EN2: variants seen among roughly 807,000 people sequenced by gnomAD.
The protein encoded by EN2 is homeobox protein engrailed-2.
Under a neutral mutation model 25.0 loss-of-function variants are expected in EN2, and 7 were observed. The ratio of observed to expected loss-of-function variants is 0.28; its 90% CI spans 0.16 to 0.53. The LOEUF is 0.53. Ranked by LOEUF, EN2 falls within the 20% of genes least tolerant of loss-of-function variation. The pLI, the probability that EN2 is intolerant of heterozygous loss-of-function variation, is 0.96. For synonymous variants in EN2, 277 were observed against 243.3 expected (o/e 1.14, Z -1.29); for missense variants, 524 against 501.8 (o/e 1.04, Z -0.42).
rs1163236401 is a variant in EN2, at chr7:155,463,479, C to T, written c.*792C>T. ...CCTTTCTTCTTCTTTTTCTTCTCCTCCTCCTCCTTCCTTCCTCCTCCTCCT... is the reference window on the plus strand; with the variant it reads ...CCTTTCTTCTTCTTTTTCTTCTCCTTCTCCTCCTTCCTTCCTCCTCCTCCT... On this transcript the variant is annotated 3_prime_UTR_variant, in exon 2 of 2. Transcript: ENST00000297375. 1 of 153,094 alleles carries T rather than the reference C, an allele frequency of 6.5e-6. No homozygotes were observed. The allele number at this position is 153,094 out of a possible 1,614,324, so 9.5% of individuals were successfully genotyped here.
intron 1 of EN2, among the ~76,000 whole-genome samples, chr7:155,461,641 G>A (rs1795698105): frequency 1.3e-5 from 2 of 152,198 alleles, no homozygotes; most frequent in South Asian, 4.1e-4. Flanking sequence ...GTAGAGCCAG[G>A]TCCCCTCTCC....
chr7:155,463,621 GC>G lies in EN2; in HGVS notation c.*937del, dbSNP rs113000817. 0.22 allele frequency: 34,222 copies of G among 152,338 alleles called. 4,617 individuals carry two copies. The highest frequency in any genetic ancestry group is 0.37 in the African/African-American group (15,320 of 41,408). The allele number at this position is 152,338 out of a possible 1,614,324, so 9.4% of individuals were successfully genotyped here. A position where few individuals can be genotyped will look rare whatever the true frequency, so the allele number is the denominator to read the frequency against. On this transcript the variant is annotated 3_prime_UTR_variant, in exon 2 of 2. Transcript: ENST00000297375. ...GTCCTGCCGCAGGCCTAACCCTCCT[GC>G]CCTGGGCACTGCCTCCATGCAGAAG...
At position 155,462,942 on chromosome 7, in the gene EN2, G is replaced by A. The variant is rs73734533; in HGVS notation, c.*255G>A. 1,743 of 363,142 alleles carry A rather than the reference G, an allele frequency of 4.8e-3. 25 individuals are homozygous for A. The highest frequency in any genetic ancestry group is 0.026 in the African/African-American group (1,248 of 47,100). The allele number at this position is 363,142 out of a possible 1,614,324, so 22.5% of individuals were successfully genotyped here. ...TTTTATGGGTTTTTTTCTTTTTTGC[G>A]AAGGGGGCTGCTTAGGGTTTCACCT... On this transcript the variant is annotated 3_prime_UTR_variant, in exon 2 of 2. Transcript: ENST00000297375.
Position 155,458,477 on chromosome 7 carries a change from G to A in EN2, c.100G>A (p.Gly34Ser). Reference sequence around the variant, plus strand: ...CGGCGGCGGCTCGGGCGGCGGCGGCGGTAGCAGCCCGGGCGAAGCGGACAC... The same window carrying A: ...CGGCGGCGGCTCGGGCGGCGGCGGCAGTAGCAGCCCGGGCGAAGCGGACAC... ...SPGGGSGGGG[G>S]SSPGEADTGR... The change falls in exon 1 of 2, where the codon GGT becomes AGT. Residue 34 changes from glycine (G) to serine (S), a missense_variant. Physicochemically the swap from Gly to Ser is moderately conservative, Grantham distance 56 (BLOSUM62 0). Coordinates refer to ENST00000297375, the MANE Select transcript of EN2 (RefSeq NM_001427.4). The A allele has an allele frequency of 2.3e-6, 3 of 1,294,910 alleles. 1 individual carries two copies. In the South Asian group the frequency reaches 8.5e-5, roughly 37 times the overall value. The allele number at this position is 1,294,910 out of a possible 1,614,324, so 80.2% of individuals were successfully genotyped here. A position where few individuals can be genotyped will look rare whatever the true frequency, so the allele number is the denominator to read the frequency against.
rs539240179 is a variant in EN2 at position 155,462,833 on chromosome 7, T to G, written c.*146T>G. ...AAGGTTCTGAAATATTCTATGTATA[T>G]ATCATTTACAGGTGGTATAAAATCC... On this transcript the variant is annotated 3_prime_UTR_variant, in exon 2 of 2. Transcript: ENST00000297375. 3.2e-4 allele frequency: 319 copies of G among 1,011,658 alleles called. No homozygotes were observed. Among genetic ancestry groups the G allele is most frequent in the Admixed American group, 2.9e-3 (84 of 29,286 alleles). 62.7% of individuals were successfully genotyped at this position (1,011,658 alleles called of 1,614,324 possible).
At position 155,462,536 on chromosome 7, in the gene EN2, A is replaced by G. The variant is rs749267229; in HGVS notation, c.851A>G (p.Asn284Ser). ...RQSLAQELSL[N>S]ESQIKIWFQN... ...AGCCTGGCGCAGGAGCTGAGCCTCAACGAGTCACAGATCAAGATTTGGTTC... is the reference window on the plus strand; with the variant it reads ...AGCCTGGCGCAGGAGCTGAGCCTCAGCGAGTCACAGATCAAGATTTGGTTC... The change falls in exon 2 of 2, where the codon AAC (asparagine) becomes AGC (serine). Residue 284 changes from asparagine (N) to serine (S), a missense_variant. By Grantham distance (46) the Asn-to-Ser change is conservative. Coordinates refer to ENST00000297375, the MANE Select transcript of EN2 (RefSeq NM_001427.4). The G allele has an allele frequency of 4.3e-6, 7 of 1,614,218 alleles. No homozygotes were observed. The highest frequency in any genetic ancestry group is 5.9e-6 in the Non-Finnish European group (7 of 1,180,034).
intron 1 of EN2, among the ~76,000 whole-genome samples, chr7:155,459,267 G>T (rs879713514): frequency 1.3e-5 from 2 of 152,216 alleles, no homozygotes; most frequent in Non-Finnish European, 2.9e-5. Flanking sequence ...TTCGCTAGGG[G>T]GTACAGACTT....
intron 1 of EN2, 86 bp downstream of exon 1, chr7:155,459,148 G>A (rs2116599426): frequency 2.2e-6 from 3 of 1,375,660 alleles, no homozygotes; most frequent in East Asian, 5.5e-5. Flanking sequence ...AACTTACCGG[G>A]AGGAAAACAT....
In EN2 at chr7:155,458,503, C is replaced by A; in HGVS notation, c.126C>A (p.Thr42=). The change falls in exon 1 of 2, where the codon ACC becomes ACA. Residue 42 remains threonine, a synonymous_variant. Transcript: ENST00000297375. The part of the protein sequence containing the change: ...GGGSSPGEAD[T]GRRRALMLPA... ...GTAGCAGCCCGGGCGAAGCGGACAC[C>A]GGGCGCCGGCGGGCTCTGATGCTGC... is the stretch of plus-strand genomic sequence containing the variant. 1 of 1,321,886 alleles carries A rather than the reference C, an allele frequency of 7.6e-7. No individual in the cohort carries two copies. Among genetic ancestry groups the A allele is most frequent in the Non-Finnish European group, 9.7e-7 (1 of 1,034,386 alleles). 81.9% of individuals were successfully genotyped at this position (1,321,886 alleles called of 1,614,324 possible).
In EN2 at chr7:155,458,709, G is replaced by A; in HGVS notation, c.332G>A (p.Gly111Glu). 1 of 1,341,522 alleles carries A rather than the reference G, an allele frequency of 7.5e-7. No individual in the cohort carries two copies. Among genetic ancestry groups the A allele is most frequent in the Non-Finnish European group, 9.5e-7 (1 of 1,055,974 alleles). The allele number at this position is 1,341,522 out of a possible 1,614,324, so 83.1% of individuals were successfully genotyped here. ...GAAGGCGGCGCGAGCGGTGCGGAGG[G>A]AGGCGGCGGCGCGGGCGGCTCGGAG... ...GGEGGASGAE[G>E]GGGAGGSEQL... Residue 111 changes from glycine to glutamate, a missense_variant, in exon 1 of 2, where the codon GGA (glycine) becomes GAA (glutamate). By Grantham distance (98) the Gly-to-Glu change is moderately conservative. Coordinates refer to ENST00000297375, the MANE Select transcript of EN2 (RefSeq NM_001427.4).
intron 1 of EN2, among the ~76,000 whole-genome samples, chr7:155,460,838 A>G (rs73734527): frequency 0.011 from 1,609 of 152,302 alleles, 30 homozygotes; most frequent in African/African-American, 0.036. Flanking sequence ...GTACGTGTGC[A>G]TGGGGTGGGT....
chr7:155,459,781 C>T (rs1172885434), intron 1 of EN2, among the ~76,000 whole-genome samples: 1 of 152,378 alleles, frequency 6.6e-6, no homozygotes, highest in Non-Finnish European at 1.5e-5. Flanking sequence ...CCGTCCCTCC[C>T]GGCACCTGCC....
Position 155,462,406 on chromosome 7 carries a change from A to G in EN2, c.721A>G (p.Asn241Asp). 6.2e-7 allele frequency: 1 copy of G among 1,612,928 alleles called. No homozygotes were observed. The highest frequency in any genetic ancestry group is 8.5e-7 in the Non-Finnish European group (1 of 1,179,792). ...TCGAAAACCAAAGAAGAAGAACCCG[A>G]ACAAAGAGGACAAGCGGCCGCGCAC... The part of the protein sequence containing the change: ...RSRKPKKKNP[N>D]KEDKRPRTAF... The change falls in exon 2 of 2, where the codon AAC becomes GAC. Residue 241 changes from asparagine (N) to aspartate (D), a missense_variant. Transcript: ENST00000297375.
At position 155,462,681 on chromosome 7, in the gene EN2, C is replaced by A; in HGVS notation, c.996C>A (p.Ser332Arg). Residue 332 changes from serine (S) to arginine (R), a missense_variant, in exon 2 of 2, where the codon AGC becomes AGA. By Grantham distance (110) the Ser-to-Arg change is moderately radical. Coordinates refer to ENST00000297375, the MANE Select transcript of EN2 (RefSeq NM_001427.4). The part of the protein sequence containing the change: ...STTAKEGKSD[S>R]E ...CAGCCAAGGAGGGCAAGTCGGACAGCGAGTAGGGCGGGGGGCATGGAGGCC... is the reference window on the plus strand; with the variant it reads ...CAGCCAAGGAGGGCAAGTCGGACAGAGAGTAGGGCGGGGGGCATGGAGGCC... The A allele has an allele frequency of 6.3e-7, 1 of 1,575,858 alleles. No individual in the cohort carries two copies. Among genetic ancestry groups the A allele is most frequent in the East Asian group, 2.3e-5 (1 of 42,806 alleles).
chr7:155,464,171 CA>C lies in EN2; in HGVS notation c.*1485del, dbSNP rs1795732183. 6.6e-6 allele frequency: 1 copy of C among 152,146 alleles called. No homozygotes were observed. Among genetic ancestry groups the C allele is most frequent in the Non-Finnish European group, 1.5e-5 (1 of 68,020 alleles). 9.4% of individuals were successfully genotyped at this position (152,146 alleles called of 1,614,324 possible). A position where few individuals can be genotyped will look rare whatever the true frequency, so the allele number is the denominator to read the frequency against. ...GTCTTTTCTTGTTTTTTAAAATATA[CA>C]TTTTATTTTTGAAGGTGTGGTACAG... On this transcript the variant is annotated 3_prime_UTR_variant, in exon 2 of 2. Coordinates refer to ENST00000297375, the MANE Select transcript of EN2 (RefSeq NM_001427.4).
intron 1 of EN2, 82 bp downstream of exon 1, chr7:155,459,144 C>A: frequency 7.1e-7 from 1 of 1,407,298 alleles, no homozygotes; most frequent in Non-Finnish European, 9.3e-7. Flanking sequence ...CGGGAACTTA[C>A]CGGGAGGAAA....
intron 1 of EN2, among the ~76,000 whole-genome samples, chr7:155,459,303 T>G (rs1159127568): frequency 6.6e-6 from 1 of 152,152 alleles, no homozygotes; most frequent in Admixed American, 6.5e-5. Context: ...GGGACCTTCT[T>G]TCTTTCTCTG....
chr7:155,460,205 T>A (rs977277128), intron 1 of EN2, among the ~76,000 whole-genome samples: 7 of 152,224 alleles, frequency 4.6e-5, no homozygotes, highest in East Asian at 3.9e-4. Flanking sequence ...TTGTTAATAT[T>A]TAATTAACAT....
rs1421628158 is a variant in EN2 at position 155,462,435 on chromosome 7, C to T, written c.750C>T (p.Ala250=). 6.2e-7 allele frequency: 1 copy of T among 1,614,168 alleles called. No individual in the cohort carries two copies. Among genetic ancestry groups the T allele is most frequent in the South Asian group, 1.1e-5 (1 of 91,084 alleles). ...AAGAGGACAAGCGGCCGCGCACGGC[C>T]TTTACCGCCGAGCAGCTGCAGAGGC... ...PNKEDKRPRT[A]FTAEQLQRLK... The change falls in exon 2 of 2, where the codon GCC becomes GCT. Residue 250 remains alanine, a synonymous_variant. Transcript: ENST00000297375.
Sources: allele counts gnomAD v4.1 joint callset (sites outside exome capture counted in the v4.1 genomes callset), GRCh38; gene constraint gnomAD v4.1.1; transcripts MANE v1.5; gene names NCBI Gene and HGNC (gene_info 2026-07-23, HGNC 2026-07-21).